The following PALM2AKAP2 variants were observed in gnomAD, a reference collection of about 807,000 sequenced individuals.
PALM2AKAP2 encodes PALM2-AKAP2 fusion protein.
PALM2AKAP2 carries 37 observed loss-of-function variants against 71.5 expected under a neutral mutation model. That is an observed-to-expected ratio of 0.52 (90% CI 0.40 to 0.68). PALM2AKAP2 has a LOEUF of 0.68. Among genes scored for constraint, PALM2AKAP2 ranks in the 30% least tolerant of loss-of-function variants. PALM2AKAP2 has a pLI of 0.00. For synonymous variants in PALM2AKAP2, 468 were observed against 478.8 expected (o/e 0.98, Z 0.29); for missense variants, 1,224 against 1,191.8 (o/e 1.03, Z -0.40).
intron 1 of PALM2AKAP2, among the ~76,000 whole-genome samples, chr9:110,116,385 T>G (rs1289668430): frequency 2.0e-5 from 3 of 151,902 alleles, no homozygotes; most frequent in Admixed American, 2.0e-4. Context: ...CGTGTGTGTG[T>G]GTGCGCATGT....
chr9:109,889,519 C>G (rs1005249767), intron 3 of PALM2AKAP2, among the ~76,000 whole-genome samples: 1 of 152,232 alleles, frequency 6.6e-6, no homozygotes, highest in African/African-American at 2.4e-5. Context: ...CCTACCCTCT[C>G]TCTGGTCCCT....
intron 1 of PALM2AKAP2, among the ~76,000 whole-genome samples, chr9:109,812,492 G>A (rs772139988): frequency 1.8e-4 from 27 of 152,136 alleles, no homozygotes; most frequent in East Asian, 3.9e-4. Context: ...CCCATCCAGC[G>A]GCACAATTTG....
chr9:109,924,150 A>G (rs1191229300), intron 4 of PALM2AKAP2, among the ~76,000 whole-genome samples: 1 of 152,070 alleles, frequency 6.6e-6, no homozygotes, highest in East Asian at 1.9e-4. Context: ...CTCTTATTGG[A>G]CTCTAGAATT....
At chr9:110,013,579 G>A (rs1184534074) in intron 6 of PALM2AKAP2, among the ~76,000 whole-genome samples, 1 of 152,182 alleles carries the variant, frequency 6.6e-6, no homozygotes, top group Non-Finnish European at 1.5e-5. Context: ...TGAGAAGAAA[G>A]TGTAGAACAA....
intron 3 of PALM2AKAP2, among the ~76,000 whole-genome samples, chr9:109,917,220 A>G (rs1830714280): frequency 6.6e-6 from 1 of 152,236 alleles, no homozygotes. Context: ...AGGGAGCTGA[A>G]AAGGGCAAGG....
At chr9:110,038,766 C>A (rs1330571968) in intron 7 of PALM2AKAP2, among the ~76,000 whole-genome samples, 3 of 151,470 alleles carry the variant, frequency 2.0e-5, no homozygotes, top group East Asian at 2.0e-4. Flanking sequence ...TGGTGAAACC[C>A]CGTCTCTACT....
intron 3 of PALM2AKAP2, among the ~76,000 whole-genome samples, chr9:109,916,343 G>A (rs1205326872): frequency 6.6e-6 from 1 of 152,232 alleles, no homozygotes; most frequent in Non-Finnish European, 1.5e-5. Context: ...CTTGCAGGAA[G>A]GTAGGCTCTC....
At chr9:109,904,043 A>T (rs1447038350) in intron 3 of PALM2AKAP2, among the ~76,000 whole-genome samples, 2 of 152,204 alleles carry the variant, frequency 1.3e-5, no homozygotes, top group Non-Finnish European at 2.9e-5. Context: ...TTATCTTATA[A>T]ATGCTGTATT....
intron 1 of PALM2AKAP2, among the ~76,000 whole-genome samples, chr9:110,088,433 G>A (rs1273341626): frequency 1.3e-5 from 2 of 152,224 alleles, no homozygotes; most frequent in Non-Finnish European, 2.9e-5. Flanking sequence ...CTGATTGGTT[G>A]TGGGAAGGGA....
intron 1 of PALM2AKAP2, among the ~76,000 whole-genome samples, chr9:109,822,422 A>T (rs558952059): frequency 6.6e-6 from 1 of 152,082 alleles, no homozygotes; most frequent in South Asian, 2.1e-4. Flanking sequence ...TGCATTTCTT[A>T]TATGGGTAAA....
Position 109,838,135 on chromosome 9 carries a change from C to A in PALM2AKAP2, c.46-29356C>A, listed in dbSNP as rs182384082. ...TGACCACTTGGTTGGAAGTAAAGCA[C>A]TCCTCAGCAAATGTAAAAGAATAGA... On this transcript the variant is annotated intron_variant, in intron 1 of 9. Transcript: ENST00000302798. 2.6e-3 allele frequency among the ~76,000 whole-genome samples: 389 copies of A among 152,282 alleles called. 4 individuals carry two copies. The highest frequency in any genetic ancestry group is 8.8e-3 in the African/African-American group (364 of 41,550).
At chr9:109,841,143 T>G (rs1036428632) in intron 1 of PALM2AKAP2, among the ~76,000 whole-genome samples, 3 of 152,024 alleles carry the variant, frequency 2.0e-5, no homozygotes, top group Non-Finnish European at 4.4e-5. Flanking sequence ...TAGACTGGAT[T>G]AAGAAAATGT....
intron 1 of PALM2AKAP2, among the ~76,000 whole-genome samples, chr9:109,724,693 T>C (rs1828451199): frequency 6.6e-6 from 1 of 152,222 alleles, no homozygotes; most frequent in Non-Finnish European, 1.5e-5. Context: ...GAAGGGTGTC[T>C]TGTTATTATC....
chr9:109,952,604 G>C (rs1831665288), intron 6 of PALM2AKAP2, among the ~76,000 whole-genome samples: 1 of 152,244 alleles, frequency 6.6e-6, no homozygotes, highest in Admixed American at 6.5e-5. Flanking sequence ...CTCATCAAAA[G>C]TGCTGGGGAT....
intron 3 of PALM2AKAP2, 94 bp downstream of exon 3, chr9:109,880,775 T>G (rs1186918015): frequency 2.7e-6 from 4 of 1,471,814 alleles, no homozygotes; most frequent in African/African-American, 2.8e-5. Context: ...TACTGTTACC[T>G]TCTCCTGTAC....
At chr9:109,742,402 C>T (rs1255866691) in intron 1 of PALM2AKAP2, among the ~76,000 whole-genome samples, 1 of 152,118 alleles carries the variant, frequency 6.6e-6, no homozygotes, top group East Asian at 1.9e-4. Flanking sequence ...AAGTGAGAGC[C>T]TGGAACTATG....
chr9:109,657,938 T>TGTGTGTGTG (rs1758141728), intron 1 of PALM2AKAP2, among the ~76,000 whole-genome samples: 3 of 142,440 alleles, frequency 2.1e-5, no homozygotes, highest in African/African-American at 7.9e-5. Flanking sequence ...TTGTGTGTGT[T>TGTGTGTGTG]TGTGTGTGTG....
chr9:109,823,804 T>C (rs767245859), intron 1 of PALM2AKAP2, among the ~76,000 whole-genome samples: 50 of 152,240 alleles, frequency 3.3e-4, no homozygotes, highest in Non-Finnish European at 6.6e-4. Flanking sequence ...GAGTGCTACA[T>C]ACAAATGTGT....
chr9:109,685,095 A>G lies in PALM2AKAP2; in HGVS notation c.5+44229A>G, dbSNP rs186712973. ...ATTTATGTGCAATTCTAGAAGATAC[A>G]AAATTATAGTGATAAAAAGCAGATT... On this transcript the variant is annotated intron_variant, in intron 1 of 6. Coordinates refer to the PALM2AKAP2 transcript ENST00000374531. Among the ~76,000 whole-genome samples, 4 of 152,316 alleles carry G rather than the reference A, an allele frequency of 2.6e-5. No individual in the cohort carries two copies. The East Asian group carries it at 7.7e-4, about 29-fold the overall frequency.
Sources: gnomAD v4.1 joint callset for allele counts (sites outside exome capture counted in the v4.1 genomes callset) on GRCh38, gnomAD v4.1.1 for gene constraint, MANE v1.5 for transcripts, NCBI Gene and HGNC (gene_info 2026-07-23, HGNC 2026-07-21) for gene names.